MON1A: variants seen among roughly 807,000 people sequenced by gnomAD.
MON1A encodes the protein MON1 vesicular trafficking associated A.
In MON1A, 29 loss-of-function variants were observed where a neutral mutation model predicts 44.6. The observed-to-expected ratio is 0.65, with a 90% CI of 0.48 to 0.89. The LOEUF (loss-of-function observed/expected upper bound fraction) is 0.89. MON1A is among the 40% of genes least tolerant of loss of function. The pLI, the probability that MON1A is intolerant of heterozygous loss-of-function variation, is 0.00. For missense variants in MON1A, 615 were observed against 759.6 expected, an observed-to-expected ratio of 0.81 and a Z score of 2.24; for synonymous variants, 275 against 316.4, an observed-to-expected ratio of 0.87 and a Z score of 1.39.
intron 1 of MON1A, among the ~76,000 whole-genome samples, chr3:49,918,277 C>T (rs1291097117): frequency 6.6e-6 from 1 of 151,444 alleles, no homozygotes; most frequent in African/African-American, 2.4e-5. Context: ...GCAGAGGTTG[C>T]AGTGAGCCGA....
rs2082908284 is a variant in MON1A at position 49,913,257 on chromosome 3, C to T, written c.90G>A (p.Glu30=). The change falls in exon 2 of 6, where the codon GAG becomes GAA. Residue 30 remains glutamate, a synonymous_variant. Coordinates refer to ENST00000296473, the MANE Select transcript of MON1A (RefSeq NM_032355.4). ...PSDGQSMERA[E]SPTPGMAQGM... Reference sequence around the variant, plus strand: ...CCTGGGCCATTCCTGGTGTGGGGCTCTCAGCTCTCTCCATACTCTGTCCAT... The same window carrying T: ...CCTGGGCCATTCCTGGTGTGGGGCTTTCAGCTCTCTCCATACTCTGTCCAT... 1 of 1,614,092 alleles carries T rather than the reference C, an allele frequency of 6.2e-7. No homozygotes were observed. Among genetic ancestry groups the T allele is most frequent in the African/African-American group, 1.3e-5 (1 of 74,920 alleles).
intron 2 of MON1A, 26 bp downstream of exon 2, chr3:49,913,194 G>A: frequency 6.2e-7 from 1 of 1,614,234 alleles, no homozygotes; most frequent in Non-Finnish European, 8.5e-7. Context: ...GTTGGCAGCT[G>A]GCTGAGGCTG....
Position 49,910,872 on chromosome 3 carries a change from A to G in MON1A, c.626T>C (p.Val209Ala). The G allele has an allele frequency of 6.3e-7, 1 of 1,599,662 alleles. No individual in the cohort carries two copies. The highest frequency in any genetic ancestry group is 8.6e-7 in the Non-Finnish European group (1 of 1,169,534). Residue 209 changes from valine to alanine, a missense_variant, in exon 4 of 6, where the codon GTA becomes GCA. Physicochemically the swap from Val to Ala is moderately conservative, Grantham distance 64 (BLOSUM62 0). Transcript: ENST00000296473. The surrounding 1 kb of genome is among the most constrained non-coding windows in gnomAD (Gnocchi z 8.0). ...IRSIHADGYK[V>A]VFVRRSPLVL... ...CAGCGGGCTCCGGCGCACGAATACT[A>G]CCTTGTAGCCATCTGAGAGCGGGAC...
rs1480732474 is a variant in MON1A at position 49,909,316 on chromosome 3, G to C, written c.1464C>G (p.His488Gln). 2 of 1,613,960 alleles carry C rather than the reference G, an allele frequency of 1.2e-6. No individual in the cohort carries two copies. The highest frequency in any genetic ancestry group is 1.7e-6 in the Non-Finnish European group (2 of 1,180,020). ...TGGTCTTGAGTGGGCGAGAGGCATT[G>C]TGGGCACGACTGTGCAAGTACTGGT... ...GLYQYLHSRA[H>Q]NASRPLKTIY... The change falls in exon 5 of 6, where the codon CAC (histidine) becomes CAG (glutamine). Residue 488 changes from histidine to glutamine, a missense_variant. Physicochemically the swap from His to Gln is conservative, Grantham distance 24 (BLOSUM62 0). Coordinates refer to ENST00000296473, the MANE Select transcript of MON1A (RefSeq NM_032355.4). This position sits in a 1 kb window ranked among gnomAD's most constrained non-coding sequence, Gnocchi z 4.0.
intron 2 of MON1A, 50 bp from the exon 3 acceptor site, chr3:49,912,061 TC>T: frequency 6.6e-7 from 1 of 1,524,364 alleles, no homozygotes; most frequent in Non-Finnish European, 8.8e-7. Flanking sequence ...TGGCAGACAC[TC>T]CTACCAGCAA....
chr3:49,924,604 G>T, intron 1 of MON1A: 2 of 206,994 alleles, frequency 9.7e-6, no homozygotes, highest in Non-Finnish European at 1.1e-5. Flanking sequence ...ACTTGAACCC[G>T]GGGGGAGGCA....
At chr3:49,916,167 G>C (rs1173336667) in intron 1 of MON1A, among the ~76,000 whole-genome samples, 1 of 152,172 alleles carries the variant, frequency 6.6e-6, no homozygotes, top group Non-Finnish European at 1.5e-5. Flanking sequence ...TCCCCTCCTA[G>C]CTGTGTAACC....
chr3:49,924,073 C>T (rs1464374258), intron 1 of MON1A: 1 of 150,948 alleles, frequency 6.6e-6, no homozygotes, highest in African/African-American at 2.4e-5. Context: ...CAGAGCGAGA[C>T]TCTGTCTCAT....
intron 1 of MON1A, among the ~76,000 whole-genome samples, chr3:49,915,295 C>T (rs930013480): frequency 6.6e-6 from 1 of 152,130 alleles, no homozygotes; most frequent in African/African-American, 2.4e-5. Flanking sequence ...AGATTGGAGG[C>T]CAAAGAGGGA....
In MON1A at chr3:49,909,088, C is replaced by T. The variant is rs969933838; in HGVS notation, c.1594G>A (p.Ala532Thr). ...ATCCAGCGCATCAGCTTATGGATGGCACTGACGGCTGACGCCTTGGTCCCC... is the reference window on the plus strand; with the variant it reads ...ATCCAGCGCATCAGCTTATGGATGGTACTGACGGCTGACGCCTTGGTCCCC... The part of the protein sequence containing the change: ...PLGTKASAVS[A>T]IHKLMRWIRK... The change falls in exon 6 of 6, where the codon GCC (alanine) becomes ACC (threonine). Residue 532 changes from alanine (A) to threonine (T), a missense_variant. By Grantham distance (58) the Ala-to-Thr change is moderately conservative. Transcript: ENST00000296473. The surrounding 1 kb of genome is among the most constrained non-coding windows in gnomAD (Gnocchi z 4.0). 4 of 1,613,662 alleles carry T rather than the reference C, an allele frequency of 2.5e-6. No individual in the cohort carries two copies. In the African/African-American group the frequency reaches 5.3e-5, roughly 22 times the overall value.
chr3:49,924,817 T>C (rs1413430559), intron 1 of MON1A: 1 of 152,936 alleles, frequency 6.5e-6, no homozygotes, highest in Non-Finnish European at 1.5e-5. Context: ...AGCAGCTCTA[T>C]GGAGAGAACT....
chr3:49,929,627 C>T lies in MON1A; in HGVS notation c.-32G>A. On this transcript the variant is annotated 5_prime_UTR_variant, in exon 1 of 6. Transcript: ENST00000296473. ...AACTCACCTGTTTCTCAGAGGAGTC[C>T]AGGACGCACAGAAGGTGCCGGTCAC... is the stretch of plus-strand genomic sequence containing the variant. The T allele has an allele frequency of 1.3e-6, 2 of 1,551,562 alleles. No individual in the cohort carries two copies. Among genetic ancestry groups the T allele is most frequent in the Non-Finnish European group, 1.7e-6 (2 of 1,146,936 alleles).
At chr3:49,928,609 C>T (rs986330095) in intron 1 of MON1A, among the ~76,000 whole-genome samples, 3 of 152,124 alleles carry the variant, frequency 2.0e-5, no homozygotes, top group African/African-American at 7.2e-5. Flanking sequence ...TCCCTACTGA[C>T]TCCCTACCAC....
At position 49,910,696 on chromosome 3, in the gene MON1A, G is replaced by A. The variant is rs1167407766; in HGVS notation, c.802C>T (p.Leu268Phe). Reference sequence around the variant, plus strand: ...TCGGTGATGCGCTCTGAGCCCGAGAGTAGGCGCCGCAAATCATAGTTCTGC... The same window carrying A: ...TCGGTGATGCGCTCTGAGCCCGAGAATAGGCGCCGCAAATCATAGTTCTGC... ...QKQNYDLRRLLSGSERITDNL... is the reference protein window; with the variant it reads ...QKQNYDLRRLFSGSERITDNL... Residue 268 changes from leucine (L) to phenylalanine (F), a missense_variant, in exon 4 of 6, where the codon CTC (leucine) becomes TTC (phenylalanine). Leu to Phe is a conservative substitution (Grantham distance 22, BLOSUM62 0). Coordinates refer to ENST00000296473, the MANE Select transcript of MON1A (RefSeq NM_032355.4). This position sits in a 1 kb window ranked among gnomAD's most constrained non-coding sequence, Gnocchi z 8.0. 6.2e-7 allele frequency: 1 copy of A among 1,612,890 alleles called. No homozygotes were observed. The highest frequency in any genetic ancestry group is 8.5e-7 in the Non-Finnish European group (1 of 1,179,426).
In MON1A at chr3:49,910,176, C is replaced by T. The variant is rs1410782943; in HGVS notation, c.1322G>A (p.Gly441Asp). Reference protein sequence around the residue: ...RTPYYSVAQVGIPDLRHFLYK... With the variant: ...RTPYYSVAQVDIPDLRHFLYK... ...GAGGAAGTGACGCAGGTCAGGGATG[C>T]CCACTTGGGCAACGCTGTAGTAGGG... is the stretch of plus-strand genomic sequence containing the variant. Residue 441 changes from glycine to aspartate, a missense_variant, in exon 4 of 6, where the codon GGC becomes GAC. Gly to Asp is a moderately conservative substitution (Grantham distance 94). Transcript: ENST00000296473. The surrounding 1 kb of genome is among the most constrained non-coding windows in gnomAD (Gnocchi z 8.0). 6.2e-7 allele frequency: 1 copy of T among 1,611,774 alleles called. No individual in the cohort carries two copies. Among genetic ancestry groups the T allele is most frequent in the Non-Finnish European group, 8.5e-7 (1 of 1,178,108 alleles).
intron 1 of MON1A, among the ~76,000 whole-genome samples, chr3:49,918,281 G>A (rs1213588195): frequency 6.6e-6 from 1 of 151,764 alleles, no homozygotes; most frequent in Non-Finnish European, 1.5e-5. Context: ...AGGTTGCAGT[G>A]AGCCGAGATC....
rs1225607172 is a variant in MON1A, at chr3:49,909,260, A to C, written c.1520T>G (p.Leu507Arg). Residue 507 changes from leucine to arginine, a missense_variant, in exon 5 of 6, where the codon CTG becomes CGG. Physicochemically the swap from Leu to Arg is moderately radical, Grantham distance 102 (BLOSUM62 -2). Coordinates refer to ENST00000296473, the MANE Select transcript of MON1A (RefSeq NM_032355.4). This position sits in a 1 kb window ranked among gnomAD's most constrained non-coding sequence, Gnocchi z 4.0. ...IYYTGPNENL[L>R]AWVTGAFELY... ...ATCCCAGGGCTGCCTTACCCAGGCCAGGAGGTTCTCGTTGGGGCCCGTGTA... is the reference window on the plus strand; with the variant it reads ...ATCCCAGGGCTGCCTTACCCAGGCCCGGAGGTTCTCGTTGGGGCCCGTGTA... The C allele has an allele frequency of 1.9e-6, 3 of 1,613,872 alleles. No homozygotes were observed. In the South Asian group the frequency reaches 3.3e-5, roughly 18 times the overall value.
chr3:49,921,235 G>A (rs1281660188), intron 1 of MON1A, among the ~76,000 whole-genome samples: 1 of 151,080 alleles, frequency 6.6e-6, no homozygotes, highest in Admixed American at 6.6e-5. Flanking sequence ...TCAGCTCACT[G>A]CAAGCTCCAC....
intron 1 of MON1A, chr3:49,915,937 C>T (rs1183966068): frequency 6.6e-6 from 1 of 152,240 alleles, no homozygotes; most frequent in Non-Finnish European, 1.5e-5. Flanking sequence ...AGGATCCTCA[C>T]TTGTCAGGCA....
Sources: allele counts gnomAD v4.1 joint callset (sites outside exome capture counted in the v4.1 genomes callset), GRCh38; gene constraint gnomAD v4.1.1; non-coding constraint Gnocchi (gnomAD v3.1); transcripts MANE v1.5; gene names NCBI Gene and HGNC (gene_info 2026-07-23, HGNC 2026-07-21).